Variants in APBB1IP observed in about 807,000 individuals in gnomAD.
APBB1IP encodes the protein amyloid beta precursor protein binding family B member 1 interacting protein, also known as amyloid beta A4 precursor protein-binding family B member 1-interacting protein.
APBB1IP carries 27 observed loss-of-function variants against 64.9 expected under a neutral mutation model. The ratio of observed to expected loss-of-function variants is 0.42; its 90% CI spans 0.31 to 0.57. The LOEUF is 0.57. Among genes scored for constraint, APBB1IP ranks in the 20% least tolerant of loss-of-function variants. The probability of loss-of-function intolerance (pLI) is 0.20; values close to 1 mark genes in which losing one functional copy is unlikely to be tolerated. For synonymous variants in APBB1IP, 392 were observed against 331.0 expected, an observed-to-expected ratio of 1.18 and a Z score of -2.00; for missense variants, 812 against 845.5, an observed-to-expected ratio of 0.96 and a Z score of 0.49.
At chr10:26,541,522 C>T (rs977664676) in intron 10 of APBB1IP, 60 bp from the exon 11 acceptor site, 23 of 1,130,108 alleles carry the variant, frequency 2.0e-5, no homozygotes, top group Non-Finnish European at 2.9e-5. Flanking sequence ...TGAAGGACAA[C>T]TCTGGAAAAT....
chr10:26,561,439 A>T (rs1588621071), intron 13 of APBB1IP, among the ~76,000 whole-genome samples: 1 of 134,000 alleles, frequency 7.5e-6, no homozygotes. Flanking sequence ...CCCAGGCTGG[A>T]GCCCTGTATC....
At chr10:26,562,564 C>T in intron 14 of APBB1IP, 135 bp downstream of exon 14, 1 of 656,616 alleles carries the variant, frequency 1.5e-6, no homozygotes, top group South Asian at 1.8e-5. Context: ...CTTTGGGAGG[C>T]TGAGGCAGGA....
chr10:26,484,830 A>G (rs1835873089), intron 2 of APBB1IP, among the ~76,000 whole-genome samples: 1 of 152,192 alleles, frequency 6.6e-6, no homozygotes, highest in African/African-American at 2.4e-5. Context: ...CATTATTGTT[A>G]TAACAAAGGG....
At chr10:26,519,461 A>T (rs1836375478) in intron 8 of APBB1IP, among the ~76,000 whole-genome samples, 1 of 152,100 alleles carries the variant, frequency 6.6e-6, no homozygotes, top group Non-Finnish European at 1.5e-5. Flanking sequence ...GAAGAGAGAG[A>T]AGGGGCATGC....
At position 26,454,485 on chromosome 10, in the gene APBB1IP, C is replaced by T. The variant is rs570499115; in HGVS notation, c.-1+15632C>T. On this transcript the variant is annotated intron_variant, in intron 2 of 14. Transcript: ENST00000376236. ...TGGACGACAGAGTGAGACTCTGTCT[C>T]GAAAAAAATAAATAAATAAAAAATA... 9.2e-4 allele frequency among the ~76,000 whole-genome samples: 136 copies of T among 148,256 alleles called. 1 individual carries two copies. Among genetic ancestry groups the T allele is most frequent in the Non-Finnish European group, 1.7e-3 (111 of 67,270 alleles).
intron 8 of APBB1IP, among the ~76,000 whole-genome samples, chr10:26,524,325 C>A (rs1377385388): frequency 2.0e-5 from 3 of 152,004 alleles, no homozygotes; most frequent in Admixed American, 1.3e-4. Flanking sequence ...AATAAACAGG[C>A]CTTGCTGAGC....
At chr10:26,517,227 T>C (rs552803314) in intron 8 of APBB1IP, among the ~76,000 whole-genome samples, 3 of 152,276 alleles carry the variant, frequency 2.0e-5, no homozygotes, top group South Asian at 2.1e-4. Context: ...AGTGCACATA[T>C]CATAATGGTA....
intron 11 of APBB1IP, among the ~76,000 whole-genome samples, chr10:26,551,055 C>T (rs1836824273): frequency 6.6e-6 from 1 of 152,218 alleles, no homozygotes; most frequent in South Asian, 2.1e-4. Flanking sequence ...GAAAGCCGGT[C>T]AGGCTCTCAG....
At chr10:26,563,417 A>G (rs1415064575) in intron 14 of APBB1IP, among the ~76,000 whole-genome samples, 3 of 152,226 alleles carry the variant, frequency 2.0e-5, no homozygotes, top group Admixed American at 6.5e-5. Flanking sequence ...TTCCCCATTA[A>G]TGTCCTTCCT....
intron 13 of APBB1IP, 117 bp from the exon 14 acceptor site, chr10:26,562,209 G>C (rs577222077): frequency 1.3e-6 from 1 of 747,908 alleles, no homozygotes; most frequent in East Asian, 2.6e-5. Flanking sequence ...GTAAGAACTA[G>C]CCAACAAGTA....
Position 26,567,278 on chromosome 10 carries a change from G to A in APBB1IP, c.1791G>A (p.Glu597=). The A allele has an allele frequency of 8.7e-7, 1 of 1,153,924 alleles. No individual in the cohort carries two copies. Among genetic ancestry groups the A allele is most frequent in the East Asian group, 4.3e-5 (1 of 23,286 alleles). The allele number at this position is 1,153,924 out of a possible 1,614,324, so 71.5% of individuals were successfully genotyped here. The part of the protein sequence containing the change: ...PPSYAGIAGS[E]LPPPPPPPPA... ...CGTACGCAGGGATCGCGGGCTCAGA[G>A]CTGCCCCCGCCGCCGCCGCCGCCGC... Residue 597 remains glutamate (E), a synonymous_variant, in exon 15 of 15, where the codon GAG becomes GAA. Transcript: ENST00000376236.
At chr10:26,438,483 AT>A (rs1835303415) in intron 1 of APBB1IP, 28 bp downstream of exon 1, 1 of 66,842 alleles carries the variant, frequency 1.5e-5, no homozygotes, top group Admixed American at 1.5e-4. Context: ...GTTTCCCAGA[AT>A]TAAAATAAAA....
intron 5 of APBB1IP, among the ~76,000 whole-genome samples, chr10:26,502,924 C>T (rs912987384): frequency 6.6e-6 from 1 of 152,164 alleles, no homozygotes; most frequent in Non-Finnish European, 1.5e-5. Flanking sequence ...TAAAGAGTGA[C>T]TGCCTTCTAT....
chr10:26,523,781 A>T (rs1836434705), intron 8 of APBB1IP, among the ~76,000 whole-genome samples: 2 of 152,104 alleles, frequency 1.3e-5, no homozygotes, highest in Admixed American at 1.3e-4. Flanking sequence ...CCAGCCTGGA[A>T]ACACAGGAGA....
intron 14 of APBB1IP, among the ~76,000 whole-genome samples, chr10:26,563,614 T>C (rs893451974): frequency 4.6e-5 from 7 of 152,354 alleles, no homozygotes; most frequent in South Asian, 2.1e-4. Context: ...TGACTGTATA[T>C]ATTCTGTTGA....
chr10:26,567,320 C>A lies in APBB1IP; in HGVS notation c.1833C>A (p.Ala611=), dbSNP rs764702458. Residue 611 remains alanine (A), a synonymous_variant, in exon 15 of 15, where the codon GCC becomes GCA. Coordinates refer to ENST00000376236, the MANE Select transcript of APBB1IP (RefSeq NM_019043.4). The stretch of plus-strand genomic sequence containing the variant: ...CGCCGCCGCCCGCGCCCGCGCCCGC[C>A]CCCGTCCCCGACTCCGCCAGGCCGC... ...PPPPPPAPAP[A]PVPDSARPPP... 2 of 1,264,526 alleles carry A rather than the reference C, an allele frequency of 1.6e-6. No homozygotes were observed. Among genetic ancestry groups the A allele is most frequent in the African/African-American group, 1.7e-5 (1 of 60,386 alleles). 78.3% of individuals were successfully genotyped at this position (1,264,526 alleles called of 1,614,324 possible). A position where few individuals can be genotyped will look rare whatever the true frequency, so the allele number is the denominator to read the frequency against.
intron 3 of APBB1IP, among the ~76,000 whole-genome samples, chr10:26,493,183 T>A (rs751580187): frequency 4.6e-5 from 7 of 152,180 alleles, no homozygotes; most frequent in Non-Finnish European, 1.0e-4. Flanking sequence ...AATGGTTATC[T>A]CCCTTGTTCC....
At chr10:26,445,689 C>A (rs10764614) in intron 2 of APBB1IP, among the ~76,000 whole-genome samples, 59,058 of 152,106 alleles carry the variant, frequency 0.39, 11,666 homozygotes, top group South Asian at 0.49. Context: ...CCGGAGGTTT[C>A]AAATGTTTAG....
intron 6 of APBB1IP, among the ~76,000 whole-genome samples, chr10:26,511,288 G>A (rs1362164993): frequency 6.6e-6 from 1 of 151,952 alleles, no homozygotes; most frequent in Non-Finnish European, 1.5e-5. Context: ...AGGTTGCAGT[G>A]AGCTGAGATC....
Sources: allele counts gnomAD v4.1 joint callset (sites outside exome capture counted in the v4.1 genomes callset), GRCh38; gene constraint gnomAD v4.1.1; transcripts MANE v1.5; gene names NCBI Gene and HGNC (gene_info 2026-07-23, HGNC 2026-07-21).